MYT1: variants seen among roughly 807,000 people sequenced by gnomAD.
MYT1 encodes myelin transcription factor I.
Under a neutral mutation model 123.0 loss-of-function variants are expected in MYT1, and 23 were observed. The ratio of observed to expected loss-of-function variants is 0.19; its 90% CI spans 0.13 to 0.26. The LOEUF (loss-of-function observed/expected upper bound fraction) is 0.26, where lower values mean the gene tolerates loss of function less well. MYT1 is among the 10% of genes least tolerant of loss of function. The pLI, the probability that MYT1 is intolerant of heterozygous loss-of-function variation, is 1.00. For missense variants in MYT1, 1,125 were observed against 1,472.5 expected, an observed-to-expected ratio of 0.76 and a Z score of 3.86; for synonymous variants, 518 against 575.3, an observed-to-expected ratio of 0.90 and a Z score of 1.43.
chr20:64,186,438 A>G lies in MYT1; in HGVS notation c.-98-3625A>G, dbSNP rs1379741994. Among the ~76,000 whole-genome samples, 1 of 152,222 alleles carries G rather than the reference A, an allele frequency of 6.6e-6. No homozygotes were observed. The highest frequency in any genetic ancestry group is 1.5e-5 in the Non-Finnish European group (1 of 68,038). ...AACCCAAGAGAACAGGCTCGTCTGGATGAAAACCTCCACTTCACTTCAGAT... is the reference window on the plus strand; with the variant it reads ...AACCCAAGAGAACAGGCTCGTCTGGGTGAAAACCTCCACTTCACTTCAGAT... On this transcript the variant is annotated intron_variant, in intron 1 of 22. Transcript: ENST00000328439. The surrounding 1 kb of genome is among the most constrained non-coding windows in gnomAD (Gnocchi z 4.3).
intron 1 of MYT1, among the ~76,000 whole-genome samples, chr20:64,179,373 G>A (rs1982573969): frequency 6.6e-6 from 1 of 152,220 alleles, no homozygotes; most frequent in Non-Finnish European, 1.5e-5. Context: ...AACTCATAAT[G>A]TTGACTTGGT....
intron 16 of MYT1, among the ~76,000 whole-genome samples, chr20:64,224,882 TG>T (rs1984123594): frequency 6.6e-6 from 1 of 152,300 alleles, no homozygotes; most frequent in East Asian, 1.9e-4. Context: ...TCCTGTGAAG[TG>T]GATGCTTGGG....
chr20:64,166,083 AC>A lies in MYT1; in HGVS notation c.-99+1348del, dbSNP rs1358610009. The stretch of plus-strand genomic sequence containing the variant: ...CCCCTCGGCCCCCAGCCTCCCTGCC[AC>A]CCCGGGCTCCCCTCCCATTGGTCCT... On this transcript the variant is annotated intron_variant, in intron 1 of 22. Transcript: ENST00000328439. The surrounding 1 kb of genome is among the most constrained non-coding windows in gnomAD (Gnocchi z 4.9). 2.0e-5 allele frequency among the ~76,000 whole-genome samples: 3 copies of A among 151,552 alleles called. No individual in the cohort carries two copies. Among genetic ancestry groups the A allele is most frequent in the African/African-American group, 7.3e-5 (3 of 41,214 alleles).
intron 1 of MYT1, among the ~76,000 whole-genome samples, chr20:64,176,419 T>C (rs12481704): frequency 8.8e-4 from 131 of 149,284 alleles, no homozygotes; most frequent in African/African-American, 3.3e-3. Context: ...TGTGTCCATT[T>C]CCCCTCCCTG....
In MYT1 at chr20:64,236,605, C is replaced by A. The variant is rs767898325; in HGVS notation, c.2948C>A (p.Ser983Ter). The A allele has an allele frequency of 6.2e-7, 1 of 1,613,730 alleles. No individual in the cohort carries two copies. The highest frequency in any genetic ancestry group is 1.3e-5 in the African/African-American group (1 of 75,002). Residue 983 changes from serine (S) to a stop codon, truncating the protein, a stop_gained, in exon 20 of 23, where the codon TCA becomes TAA. Coordinates refer to ENST00000328439, the MANE Select transcript of MYT1 (RefSeq NM_004535.3). LOFTEE classifies it high-confidence loss of function. ...TTTGCTGGAAAGAAGGGAAAACTGT[C>A]AGGGGATGAGGTCCTCAGTCCAAAG... Reference protein sequence around the residue: ...ATFAGKKGKLSGDEVLSPKFK... With the variant: ...ATFAGKKGKL
In MYT1 at chr20:64,218,888, G is replaced by A. The variant is rs747517969; in HGVS notation, c.1847-23G>A. ...ACAGCCCCTCCAGTAGTTATGTGAG[G>A]AGCACTTCATCCTCTTCTGCAGGCT... On this transcript the variant is annotated intron_variant, in intron 11 of 22. Transcript: ENST00000328439. The surrounding 1 kb of genome is among the most constrained non-coding windows in gnomAD (Gnocchi z 4.0). 1.1e-5 allele frequency: 17 copies of A among 1,613,036 alleles called. No homozygotes were observed. The highest frequency in any genetic ancestry group is 1.4e-5 in the Non-Finnish European group (17 of 1,180,020).
rs529528735 is a variant in MYT1 at position 64,223,007 on chromosome 20, C to T, written c.2397-104C>T. 3.4e-5 allele frequency: 45 copies of T among 1,329,846 alleles called. No homozygotes were observed. In the East Asian group the frequency reaches 6.0e-4, roughly 18 times the overall value. 82.4% of individuals were successfully genotyped at this position (1,329,846 alleles called of 1,614,324 possible). A position where few individuals can be genotyped will look rare whatever the true frequency, so the allele number is the denominator to read the frequency against. On this transcript the variant is annotated intron_variant, in intron 14 of 22. Coordinates refer to ENST00000328439, the MANE Select transcript of MYT1 (RefSeq NM_004535.3). ...GGAGGAGGGGCCACCGCTTGGCTCG[C>T]GGGTGAGCCAGGAGTGGGCACCAGT...
At chr20:64,210,272 A>T (rs1344908253) in intron 7 of MYT1, among the ~76,000 whole-genome samples, 1 of 152,232 alleles carries the variant, frequency 6.6e-6, no homozygotes, top group Non-Finnish European at 1.5e-5. Context: ...AGCTGAGAAC[A>T]CCAGGCAGTG....
chr20:64,204,104 G>A (rs1310210135), intron 4 of MYT1, among the ~76,000 whole-genome samples: 1 of 152,228 alleles, frequency 6.6e-6, no homozygotes, highest in Non-Finnish European at 1.5e-5. Flanking sequence ...GCATCCGACA[G>A]CCCACAGGAG....
At chr20:64,199,975 G>A (rs573819351) in intron 4 of MYT1, 53 bp downstream of exon 4, 28 of 1,599,598 alleles carry the variant, frequency 1.8e-5, no homozygotes, top group Non-Finnish European at 2.4e-5. Flanking sequence ...CTGTGACCCT[G>A]GAGATATCCT....
rs1000589157 is a variant in MYT1, at chr20:64,186,504, G to A, written c.-98-3559G>A. ...CCATGGTGATGACAACAGCACTGACGTCCTCATGGGTTCACTTCCAGGCTC... is the reference window on the plus strand; with the variant it reads ...CCATGGTGATGACAACAGCACTGACATCCTCATGGGTTCACTTCCAGGCTC... On this transcript the variant is annotated intron_variant, in intron 1 of 22. Coordinates refer to ENST00000328439, the MANE Select transcript of MYT1 (RefSeq NM_004535.3). This position sits in a 1 kb window ranked among gnomAD's most constrained non-coding sequence, Gnocchi z 4.3. 6.6e-6 allele frequency among the ~76,000 whole-genome samples: 1 copy of A among 152,226 alleles called. No homozygotes were observed. Among genetic ancestry groups the A allele is most frequent in the African/African-American group, 2.4e-5 (1 of 41,460 alleles).
chr20:64,235,617 TGTGGTGGGTGACCCTGGGCTGGCC>T (rs1568722594), intron 19 of MYT1, among the ~76,000 whole-genome samples: 3 of 91,976 alleles, frequency 3.3e-5, no homozygotes, highest in Non-Finnish European at 4.4e-5. Flanking sequence ...CCGAGCTGGC[TGTGGTGGGTGACCCTGGGCTGGCC>T]GTGGTGGGTG....
At position 64,213,348 on chromosome 20, in the gene MYT1, G is replaced by T. The variant is rs530809376; in HGVS notation, c.1518-186G>T. ...CTTGTACTGTGAGGGCTCAAGAACA[G>T]AGCCAGAGAGAAAACCCCTGTCCTG... On this transcript the variant is annotated intron_variant, in intron 9 of 22. Transcript: ENST00000328439. This position sits in a 1 kb window ranked among gnomAD's most constrained non-coding sequence, Gnocchi z 5.6. 2.0e-5 allele frequency among the ~76,000 whole-genome samples: 3 copies of T among 152,304 alleles called. No homozygotes were observed. The highest frequency in any genetic ancestry group is 2.0e-4 in the Admixed American group (3 of 15,302).
Position 64,166,672 on chromosome 20 carries a change from G to A in MYT1, c.-99+1933G>A, listed in dbSNP as rs1221475154. ...CAGAGCTAATGCTCTGGCCCCTCTT[G>A]GAAGATTCTGGCAAAGGCAGTGGTC... is the stretch of plus-strand genomic sequence containing the variant. On this transcript the variant is annotated intron_variant, in intron 1 of 22. Coordinates refer to ENST00000328439, the MANE Select transcript of MYT1 (RefSeq NM_004535.3). The surrounding 1 kb of genome is among the most constrained non-coding windows in gnomAD (Gnocchi z 4.9). 2.0e-5 allele frequency among the ~76,000 whole-genome samples: 3 copies of A among 152,188 alleles called. No homozygotes were observed. The highest frequency in any genetic ancestry group is 7.2e-5 in the African/African-American group (3 of 41,432).
chr20:64,220,049 T>A (rs1456525252), intron 13 of MYT1, 67 bp downstream of exon 13: 1 of 1,409,702 alleles, frequency 7.1e-7, no homozygotes. Flanking sequence ...GAGGCTGTTG[T>A]GATATTGGCT....
intron 1 of MYT1, among the ~76,000 whole-genome samples, chr20:64,183,968 G>T (rs1044691355): frequency 6.6e-6 from 1 of 151,956 alleles, no homozygotes; most frequent in South Asian, 2.1e-4. Context: ...TTACAGACAC[G>T]CACCGCCATA....
rs781007636 is a variant in MYT1 at position 64,205,634 on chromosome 20, C to A, written c.231C>A (p.His77Gln). 6.2e-7 allele frequency: 1 copy of A among 1,614,084 alleles called. No individual in the cohort carries two copies. Among genetic ancestry groups the A allele is most frequent in the Non-Finnish European group, 8.5e-7 (1 of 1,180,034 alleles). The change falls in exon 6 of 23, where the codon CAC (histidine) becomes CAA (glutamine). Residue 77 changes from histidine (H) to glutamine (Q), a missense_variant. Coordinates refer to ENST00000328439, the MANE Select transcript of MYT1 (RefSeq NM_004535.3). Reference sequence around the variant, plus strand: ...ACCTGGTGTCCAAGAGGAAGTCACACCCCCTGAAGCTGGCTCTGGACGAGG... The same window carrying A: ...ACCTGGTGTCCAAGAGGAAGTCACAACCCCTGAAGCTGGCTCTGGACGAGG... ...AEHLVSKRKS[H>Q]PLKLALDEGY...
At chr20:64,177,685 G>GGGTGGGGAC (rs1982510341) in intron 1 of MYT1, among the ~76,000 whole-genome samples, 1 of 152,112 alleles carries the variant, frequency 6.6e-6, no homozygotes, top group African/African-American at 2.4e-5. Flanking sequence ...CCCCTCTCCG[G>GGGTGGGGAC]AGCTAGTGGG....
intron 1 of MYT1, among the ~76,000 whole-genome samples, chr20:64,165,118 C>CCCG: frequency 6.6e-6 from 1 of 152,018 alleles, no homozygotes; most frequent in South Asian, 2.1e-4. Flanking sequence ...ACCCAGCAGC[C>CCCG]CCGTACCTGG....
Sources: allele counts gnomAD v4.1 joint callset (sites outside exome capture counted in the v4.1 genomes callset), GRCh38; gene constraint gnomAD v4.1.1; non-coding constraint Gnocchi (gnomAD v3.1); transcripts MANE v1.5; gene names NCBI Gene and HGNC (gene_info 2026-07-23, HGNC 2026-07-21).